IQCM: variants seen among roughly 807,000 people sequenced by gnomAD.
IQCM encodes the protein IQ domain-containing protein M.
IQCM carries 45 observed loss-of-function variants against 57.6 expected under a neutral mutation model. That is an observed-to-expected ratio of 0.78 (90% CI 0.62 to 1.00). The LOEUF is 1.00. Ranked by LOEUF, IQCM falls within the 50% of genes least tolerant of loss-of-function variation. IQCM has a pLI of 0.00. For synonymous variants in IQCM, 148 were observed against 158.9 expected (o/e 0.93, Z 0.51); for missense variants, 468 against 511.6 (o/e 0.91, Z 0.82).
intron 13 of IQCM, among the ~76,000 whole-genome samples, chr4:149,386,458 A>G (rs778601782): frequency 6.6e-5 from 10 of 152,054 alleles, no homozygotes; most frequent in Non-Finnish European, 2.9e-5. Flanking sequence ...ATCTCATGTC[A>G]CTTAATTTCA....
intron 5 of IQCM, among the ~76,000 whole-genome samples, chr4:149,715,753 G>T (rs184044218): frequency 1.9e-4 from 29 of 152,294 alleles, no homozygotes; most frequent in African/African-American, 6.3e-4. Flanking sequence ...CCCGAAGTGG[G>T]TAGCTTCTTT....
intron 2 of IQCM, among the ~76,000 whole-genome samples, chr4:149,780,515 C>T (rs1257294945): frequency 2.0e-5 from 3 of 149,564 alleles, no homozygotes; most frequent in African/African-American, 7.4e-5. Context: ...AATGAAGTAA[C>T]TTTAAAATAT....
intron 2 of IQCM, among the ~76,000 whole-genome samples, chr4:149,794,413 T>C (rs1008714373): frequency 6.6e-6 from 1 of 152,230 alleles, no homozygotes; most frequent in Non-Finnish European, 1.5e-5. Context: ...AATTCAAGCC[T>C]ATTTACCACT....
chr4:149,352,113 T>C (rs1728623912), intron 13 of IQCM, 47 bp from the exon 14 acceptor site: 3 of 398,736 alleles, frequency 7.5e-6, no homozygotes, highest in Non-Finnish European at 1.3e-5. Context: ...TCAATTAATA[T>C]GATAGTAATG....
chr4:149,767,513 C>CTTGCAGG (rs1770169587), intron 2 of IQCM, among the ~76,000 whole-genome samples: 18 of 152,088 alleles, frequency 1.2e-4, no homozygotes, highest in Admixed American at 1.2e-3. Flanking sequence ...TCAGCTCCTG[C>CTTGCAGG]AGTTTCAAAA....
intron 10 of IQCM, among the ~76,000 whole-genome samples, chr4:149,561,339 T>C (rs1750104883): frequency 6.6e-6 from 1 of 152,206 alleles, no homozygotes; most frequent in Non-Finnish European, 1.5e-5. Flanking sequence ...TCTACAATTA[T>C]TTCTGATATT....
chr4:149,442,067 A>G (rs949252121), intron 12 of IQCM, among the ~76,000 whole-genome samples: 2 of 152,146 alleles, frequency 1.3e-5, no homozygotes, highest in Admixed American at 6.6e-5. Flanking sequence ...TCAGTCAGGT[A>G]TTCTGTTATA....
At chr4:149,473,274 C>T (rs991915459) in intron 12 of IQCM, among the ~76,000 whole-genome samples, 1 of 152,040 alleles carries the variant, frequency 6.6e-6, no homozygotes, top group Admixed American at 6.6e-5. Context: ...AACAAATTTA[C>T]AAGAAAAAAA....
intron 7 of IQCM, among the ~76,000 whole-genome samples, chr4:149,631,789 G>GT (rs931983694): frequency 1.3e-5 from 2 of 151,998 alleles, no homozygotes; most frequent in Admixed American, 6.6e-5. Flanking sequence ...TATTCTAATT[G>GT]TTTTTTTCTC....
At chr4:149,447,324 T>C (rs934976398) in intron 12 of IQCM, among the ~76,000 whole-genome samples, 5 of 151,564 alleles carry the variant, frequency 3.3e-5, no homozygotes, top group African/African-American at 1.2e-4. Flanking sequence ...AAAATACAAC[T>C]CATACTGAGG....
intron 3 of IQCM, among the ~76,000 whole-genome samples, chr4:149,741,582 T>C (rs2149908368): frequency 6.6e-6 from 1 of 152,298 alleles, no homozygotes; most frequent in East Asian, 1.9e-4. Context: ...CACAGAGCTC[T>C]ATTGGCAGCC....
At chr4:149,601,279 G>A (rs1250064621) in intron 8 of IQCM, among the ~76,000 whole-genome samples, 2 of 152,102 alleles carry the variant, frequency 1.3e-5, no homozygotes, top group African/African-American at 4.8e-5. Flanking sequence ...AACACATAGA[G>A]TAGACAGGGC....
At chr4:149,510,261 G>A (rs769442725) in intron 12 of IQCM, among the ~76,000 whole-genome samples, 11 of 152,114 alleles carry the variant, frequency 7.2e-5, no homozygotes, top group East Asian at 3.9e-4. Context: ...CTGGTCATTC[G>A]AATGTACTCT....
intron 9 of IQCM, among the ~76,000 whole-genome samples, chr4:149,584,646 T>C (rs1295358283): frequency 1.3e-5 from 2 of 151,740 alleles, no homozygotes; most frequent in African/African-American, 4.8e-5. Flanking sequence ...TTATATATAC[T>C]TGTACATATA....
At chr4:149,573,010 T>C (rs1050712446) in intron 9 of IQCM, among the ~76,000 whole-genome samples, 7 of 151,810 alleles carry the variant, frequency 4.6e-5, no homozygotes, top group African/African-American at 1.5e-4. Flanking sequence ...GCTATATGCA[T>C]GAAGACACCC....
chr4:149,503,781 T>C lies in IQCM; in HGVS notation c.1228+44674A>G, dbSNP rs902123739. 2.6e-5 allele frequency among the ~76,000 whole-genome samples: 4 copies of C among 152,136 alleles called. No individual in the cohort carries two copies. In the East Asian group the frequency reaches 7.7e-4, roughly 29 times the overall value. On this transcript the variant is annotated intron_variant, in intron 12 of 13. Coordinates refer to ENST00000636793, the MANE Select transcript of IQCM (RefSeq NM_001363507.2). ...AAGGACTTGCAAAATTTCATGTAGATTGCAGTGAATTGAGGGACATGTTCA... is the reference window on the plus strand; with the variant it reads ...AAGGACTTGCAAAATTTCATGTAGACTGCAGTGAATTGAGGGACATGTTCA...
At chr4:149,764,056 G>A (rs574227267) in intron 2 of IQCM, among the ~76,000 whole-genome samples, 11 of 152,202 alleles carry the variant, frequency 7.2e-5, no homozygotes, top group Middle Eastern at 3.4e-3. Context: ...GAATCACAAG[G>A]CAAATTTGGA....
intron 6 of IQCM, among the ~76,000 whole-genome samples, chr4:149,682,907 G>A (rs1007611109): frequency 2.0e-5 from 3 of 150,972 alleles, no homozygotes; most frequent in Non-Finnish European, 3.0e-5. Flanking sequence ...TCAGTCAGTG[G>A]GACTTCAGGA....
chr4:149,680,023 C>T (rs1432413337), intron 7 of IQCM, among the ~76,000 whole-genome samples: 2 of 151,162 alleles, frequency 1.3e-5, no homozygotes, highest in East Asian at 1.9e-4. Flanking sequence ...AAGTTGGTGG[C>T]CATAATCTTT....
Sources: gnomAD v4.1 joint callset for allele counts (sites outside exome capture counted in the v4.1 genomes callset) on GRCh38, gnomAD v4.1.1 for gene constraint, MANE v1.5 for transcripts, NCBI Gene and HGNC (gene_info 2026-07-23, HGNC 2026-07-21) for gene names.